Variants in MPPED1 observed in about 807,000 individuals in gnomAD.
MPPED1 encodes the protein metallophosphoesterase domain-containing protein 1.
MPPED1 carries 16 observed loss-of-function variants against 36.2 expected under a neutral mutation model. That is an observed-to-expected ratio of 0.44 (90% CI 0.30 to 0.67). The LOEUF (loss-of-function observed/expected upper bound fraction) is 0.67. Ranked by LOEUF, MPPED1 falls within the 30% of genes least tolerant of loss-of-function variation. The probability of loss-of-function intolerance (pLI) is 0.10; values close to 1 mark genes in which losing one functional copy is unlikely to be tolerated. For missense variants in MPPED1, 307 were observed against 453.4 expected, an observed-to-expected ratio of 0.68 and a Z score of 2.93; for synonymous variants, 199 against 191.3, an observed-to-expected ratio of 1.04 and a Z score of -0.33.
At chr22:43,443,956 A>G (rs1353772051) in intron 3 of MPPED1, among the ~76,000 whole-genome samples, 2 of 152,208 alleles carry the variant, frequency 1.3e-5, no homozygotes, top group Non-Finnish European at 2.9e-5. Flanking sequence ...CTGAGTGACC[A>G]CCTGGAGAGT....
At chr22:43,463,240 C>G (rs1931015328) in intron 3 of MPPED1, among the ~76,000 whole-genome samples, 1 of 151,504 alleles carries the variant, frequency 6.6e-6, no homozygotes, top group African/African-American at 2.4e-5. Flanking sequence ...AATTCAGGAA[C>G]TTTTCTCATC....
intron 4 of MPPED1, among the ~76,000 whole-genome samples, chr22:43,475,759 T>C (rs1275332242): frequency 8.1e-6 from 1 of 122,832 alleles, no homozygotes; most frequent in African/African-American, 4.3e-5. Flanking sequence ...GTGGTGGTGA[T>C]GATGATGATG....
At chr22:43,486,662 G>T (rs1308157150) in intron 4 of MPPED1, among the ~76,000 whole-genome samples, 1 of 152,094 alleles carries the variant, frequency 6.6e-6, no homozygotes, top group Non-Finnish European at 1.5e-5. Context: ...GGACCTTCAT[G>T]GTGGTGGCCA....
In MPPED1 at chr22:43,425,092, G is replaced by A. The variant is rs1414691897; in HGVS notation, c.107G>A (p.Arg36Gln). 2.5e-6 allele frequency: 4 copies of A among 1,613,776 alleles called. No homozygotes were observed. The highest frequency in any genetic ancestry group is 2.2e-5 in the East Asian group (1 of 44,880). The change falls in exon 2 of 7, where the codon CGG (arginine) becomes CAG (glutamine). Residue 36 changes from arginine (R) to glutamine (Q), a missense_variant. Physicochemically the swap from Arg to Gln is conservative, Grantham distance 43 (BLOSUM62 1). Coordinates refer to ENST00000443721, the MANE Select transcript of MPPED1 (RefSeq NM_001044370.2). ...TCCCAGTCCCACGTGATGGCCGCTCGGCGGCACCAGCACAGCCGGCTCATC... is the reference window on the plus strand; with the variant it reads ...TCCCAGTCCCACGTGATGGCCGCTCAGCGGCACCAGCACAGCCGGCTCATC... Reference protein sequence around the residue: ...AFSQSHVMAARRHQHSRLIIE... With the variant: ...AFSQSHVMAAQRHQHSRLIIE...
chr22:43,426,131 C>T (rs1045702238), intron 2 of MPPED1, among the ~76,000 whole-genome samples: 4 of 152,204 alleles, frequency 2.6e-5, no homozygotes, highest in Non-Finnish European at 4.4e-5. Context: ...GGCCCAGGCC[C>T]GTGAGGTGCC....
intron 3 of MPPED1, among the ~76,000 whole-genome samples, chr22:43,446,378 A>G (rs188711177): frequency 2.0e-5 from 3 of 152,256 alleles, no homozygotes; most frequent in African/African-American, 7.2e-5. Context: ...CAGGCTGTGG[A>G]TAAACAGCTG....
intron 5 of MPPED1, among the ~76,000 whole-genome samples, chr22:43,500,158 T>C: frequency 1.0e-5 from 1 of 96,862 alleles, no homozygotes; most frequent in Admixed American, 9.2e-5. Flanking sequence ...GGGGTGGTGG[T>C]GGTGATGGTG....
chr22:43,456,154 C>G (rs979666146), intron 3 of MPPED1, among the ~76,000 whole-genome samples: 2 of 152,156 alleles, frequency 1.3e-5, no homozygotes, highest in African/African-American at 4.8e-5. Flanking sequence ...GCTTCATTGC[C>G]CCAGCTAGAA....
rs372740446 is a variant in MPPED1 at position 43,435,212 on chromosome 22, C to T, written c.403C>T (p.Leu135=). ...PSEVKKFNEW[L]GSLPYEYKIV... ...CGAGGTGAAGAAGTTCAACGAGTGG[C>T]TGGGTAGGTCCCTCCTGCCCCGGGC... Residue 135 remains leucine, a synonymous_variant, in exon 3 of 7, where the codon CTG becomes TTG. Coordinates refer to ENST00000443721, the MANE Select transcript of MPPED1 (RefSeq NM_001044370.2). The T allele has an allele frequency of 1.9e-6, 3 of 1,606,130 alleles. No homozygotes were observed. Among genetic ancestry groups the T allele is most frequent in the Non-Finnish European group, 2.5e-6 (3 of 1,179,508 alleles).
chr22:43,437,635 G>T (rs1210529643), intron 3 of MPPED1, among the ~76,000 whole-genome samples: 2 of 152,202 alleles, frequency 1.3e-5, no homozygotes, highest in Non-Finnish European at 2.9e-5. Flanking sequence ...TCCTGCCTGG[G>T]TGACCACAGC....
At chr22:43,495,530 G>A (rs1602016124) in intron 4 of MPPED1, among the ~76,000 whole-genome samples, 5 of 62,088 alleles carry the variant, frequency 8.1e-5, no homozygotes, top group South Asian at 4.0e-4. Context: ...GGAGGTGGTG[G>A]TGGTGGAGAT....
At chr22:43,442,753 T>G (rs1389242035) in intron 3 of MPPED1, among the ~76,000 whole-genome samples, 1 of 152,170 alleles carries the variant, frequency 6.6e-6, no homozygotes, top group Admixed American at 6.5e-5. Flanking sequence ...CCCTTCTCCC[T>G]CATGGAGCGT....
chr22:43,480,643 T>G (rs1451118603), intron 4 of MPPED1, among the ~76,000 whole-genome samples: 1 of 152,178 alleles, frequency 6.6e-6, no homozygotes, highest in East Asian at 1.9e-4. Context: ...ACTAATAGCT[T>G]TTCCCCCTCT....
chr22:43,487,474 G>A (rs1931949167), intron 4 of MPPED1, among the ~76,000 whole-genome samples: 1 of 152,174 alleles, frequency 6.6e-6, no homozygotes, highest in South Asian at 2.1e-4. Flanking sequence ...GTGCCACGCC[G>A]AGGGCTGGGC....
At chr22:43,437,975 C>T (rs1017597642) in intron 3 of MPPED1, among the ~76,000 whole-genome samples, 2 of 151,840 alleles carry the variant, frequency 1.3e-5, no homozygotes, top group Admixed American at 6.6e-5. Flanking sequence ...TAGCAACCGC[C>T]CTCCCAACAG....
Position 43,414,382 on chromosome 22 carries a change from G to A in MPPED1, c.-79+2224G>A, listed in dbSNP as rs558359365. Among the ~76,000 whole-genome samples, 53 of 152,064 alleles carry A rather than the reference G, an allele frequency of 3.5e-4. 2 individuals are homozygous for A. The South Asian group carries it at 6.5e-3, about 19-fold the overall frequency. ...ACGGTGGTCGCTGGGATTCCGTGAA[G>A]GGCAGCATTAAGGAGAAAAATCAGC... On this transcript the variant is annotated intron_variant, in intron 1 of 6. Coordinates refer to ENST00000443721, the MANE Select transcript of MPPED1 (RefSeq NM_001044370.2).
At chr22:43,473,047 G>A (rs1174150578) in intron 3 of MPPED1, among the ~76,000 whole-genome samples, 2 of 152,182 alleles carry the variant, frequency 1.3e-5, no homozygotes, top group African/African-American at 4.8e-5. Context: ...GCAAGCATCC[G>A]TTTCCAATAA....
chr22:43,460,004 C>G (rs893093367), intron 3 of MPPED1, among the ~76,000 whole-genome samples: 1 of 151,704 alleles, frequency 6.6e-6, no homozygotes, highest in African/African-American at 2.4e-5. Flanking sequence ...GTCAAGAGAT[C>G]GAGACCATCC....
intron 3 of MPPED1, among the ~76,000 whole-genome samples, chr22:43,446,087 T>A (rs1430855796): frequency 6.6e-6 from 1 of 151,348 alleles, no homozygotes; most frequent in Non-Finnish European, 1.5e-5. Flanking sequence ...CCCAGGCTGG[T>A]CTCGAACTCC....
Sources: allele counts gnomAD v4.1 joint callset (sites outside exome capture counted in the v4.1 genomes callset), GRCh38; gene constraint gnomAD v4.1.1; transcripts MANE v1.5; gene names NCBI Gene and HGNC (gene_info 2026-07-23, HGNC 2026-07-21).